STK32B: variants seen among roughly 807,000 people sequenced by gnomAD.
STK32B encodes serine/threonine-protein kinase 32B.
STK32B carries 43 observed loss-of-function variants against 52.6 expected under a neutral mutation model. The ratio of observed to expected loss-of-function variants is 0.82; its 90% CI spans 0.64 to 1.05. The LOEUF is 1.05. STK32B is among the 50% of genes least tolerant of loss of function. The probability of loss-of-function intolerance (pLI) is 0.00; values close to 1 mark genes in which losing one functional copy is unlikely to be tolerated. For synonymous variants in STK32B, 238 were observed against 204.3 expected, an observed-to-expected ratio of 1.17 and a Z score of -1.41; for missense variants, 621 against 534.6, an observed-to-expected ratio of 1.16 and a Z score of -1.59.
chr4:5,363,179 T>C (rs1270389358), intron 4 of STK32B, among the ~76,000 whole-genome samples: 2 of 152,230 alleles, frequency 1.3e-5, no homozygotes, highest in Non-Finnish European at 2.9e-5. Flanking sequence ...AGGGTGAGCA[T>C]AGAATGCAGT....
intron 1 of STK32B, among the ~76,000 whole-genome samples, chr4:5,105,016 A>G (rs556151194): frequency 1.3e-5 from 2 of 152,338 alleles, no homozygotes; most frequent in Admixed American, 1.3e-4. Context: ...CAATTATCTA[A>G]AGCAGTTGCA....
At chr4:5,393,020 A>G (rs891455649) in intron 4 of STK32B, among the ~76,000 whole-genome samples, 4 of 152,238 alleles carry the variant, frequency 2.6e-5, no homozygotes, top group South Asian at 2.1e-4. Flanking sequence ...ATTGTCACTC[A>G]GTTTCTAGGA....
intron 3 of STK32B, among the ~76,000 whole-genome samples, chr4:5,182,729 G>C (rs1360938911): frequency 6.6e-6 from 1 of 152,104 alleles, no homozygotes; most frequent in Non-Finnish European, 1.5e-5. Flanking sequence ...AAAGTGCTGG[G>C]ATTACAGATG....
At chr4:5,391,722 T>C (rs1228364988) in intron 4 of STK32B, among the ~76,000 whole-genome samples, 1 of 152,220 alleles carries the variant, frequency 6.6e-6, no homozygotes, top group Non-Finnish European at 1.5e-5. Flanking sequence ...GATCAGTGCT[T>C]TCTAAACACT....
intron 1 of STK32B, among the ~76,000 whole-genome samples, chr4:5,094,090 C>CT (rs1713250516): frequency 6.6e-6 from 1 of 152,136 alleles, no homozygotes; most frequent in African/African-American, 2.4e-5. Flanking sequence ...TGAAATACCT[C>CT]TTTATCTTAC....
intron 4 of STK32B, among the ~76,000 whole-genome samples, chr4:5,392,298 C>G (rs1350880242): frequency 6.6e-6 from 1 of 152,024 alleles, no homozygotes; most frequent in Middle Eastern, 3.2e-3. Context: ...TGGTGGTGCA[C>G]GCCTGTAATC....
intron 11 of STK32B, among the ~76,000 whole-genome samples, chr4:5,496,016 GGGGGCA>G (rs917049647): frequency 2.0e-5 from 3 of 152,184 alleles, no homozygotes; most frequent in Non-Finnish European, 4.4e-5. Flanking sequence ...TAGGCTGCTC[GGGGGCA>G]GGGGTCAGGG....
At chr4:5,232,344 G>C (rs993316228) in intron 3 of STK32B, among the ~76,000 whole-genome samples, 1 of 152,144 alleles carries the variant, frequency 6.6e-6, no homozygotes, top group East Asian at 1.9e-4. Flanking sequence ...GACATATTTA[G>C]AAATATGTGT....
rs1426152165 is a variant in STK32B, at chr4:5,316,300, TAA to T, written c.261-14919_261-14918del. Among the ~76,000 whole-genome samples the T allele has an allele frequency of 3.2e-4, 19 of 58,468 alleles. 1 individual carries two copies. Among genetic ancestry groups the T allele is most frequent in the Non-Finnish European group, 2.3e-4 (9 of 39,880 alleles). The allele number at this position is 58,468 out of a possible 152,430, so 38.4% of individuals were successfully genotyped here. A position where few individuals can be genotyped will look rare whatever the true frequency, so the allele number is the denominator to read the frequency against. On this transcript the variant is annotated intron_variant, in intron 3 of 11. Transcript: ENST00000282908. ...AATATATTATATACAATATTATATATAATATATATATTGTATATTATATATTA... is the reference window on the plus strand; with the variant it reads ...AATATATTATATACAATATTATATATTATATATATTGTATATTATATATTA...
At chr4:5,271,678 C>A (rs375480218) in intron 3 of STK32B, among the ~76,000 whole-genome samples, 8 of 146,858 alleles carry the variant, frequency 5.4e-5, no homozygotes, top group Admixed American at 2.0e-4. Flanking sequence ...CTTTTATTTC[C>A]TTGAGCAGTG....
intron 1 of STK32B, among the ~76,000 whole-genome samples, chr4:5,116,324 A>G (rs1714713757): frequency 6.6e-6 from 1 of 152,092 alleles, no homozygotes; most frequent in African/African-American, 2.4e-5. Flanking sequence ...CTCTGTCATC[A>G]CCATCTTACA....
chr4:5,160,243 A>G (rs1718332040), intron 2 of STK32B, among the ~76,000 whole-genome samples: 1 of 152,160 alleles, frequency 6.6e-6, no homozygotes, highest in African/African-American at 2.4e-5. Context: ...TGTGCCCTTC[A>G]GAAGAGAGAT....
intron 7 of STK32B, 54 bp downstream of exon 7, chr4:5,446,830 G>C (rs1023947063): frequency 2.5e-6 from 4 of 1,573,196 alleles, no homozygotes; most frequent in Non-Finnish European, 2.6e-6. Context: ...GGGGGCTCAC[G>C]TTGTACCTGG....
Position 5,317,241 on chromosome 4 carries a change from A to AT in STK32B, c.261-13978dup, listed in dbSNP as rs1560313421. 4.7e-4 allele frequency among the ~76,000 whole-genome samples: 19 copies of AT among 40,042 alleles called. 4 individuals carry two copies. Among genetic ancestry groups the AT allele is most frequent in the African/African-American group, 4.3e-3 (17 of 3,966 alleles). 26.3% of individuals were successfully genotyped at this position (40,042 alleles called of 152,430 possible). A position where few individuals can be genotyped will look rare whatever the true frequency, so the allele number is the denominator to read the frequency against. ...TATATATATTATATATAACATATAT[A>AT]TATTATATATAACATATAACATATA... is the stretch of plus-strand genomic sequence containing the variant. On this transcript the variant is annotated intron_variant, in intron 3 of 11. Coordinates refer to ENST00000282908, the MANE Select transcript of STK32B (RefSeq NM_018401.3).
chr4:5,246,842 A>G (rs1725489454), intron 3 of STK32B, among the ~76,000 whole-genome samples: 1 of 152,226 alleles, frequency 6.6e-6, no homozygotes, highest in African/African-American at 2.4e-5. Flanking sequence ...GGTCCACTTC[A>G]GACCCCGTTT....
intron 3 of STK32B, among the ~76,000 whole-genome samples, chr4:5,246,586 C>T (rs1365715985): frequency 2.0e-5 from 3 of 152,196 alleles, no homozygotes; most frequent in Non-Finnish European, 4.4e-5. Context: ...CATAGTCATT[C>T]TCTGTCCAGC....
chr4:5,113,843 A>T (rs1026556801), intron 1 of STK32B, among the ~76,000 whole-genome samples: 1 of 152,164 alleles, frequency 6.6e-6, no homozygotes, highest in Non-Finnish European at 1.5e-5. Flanking sequence ...CCTCACAATC[A>T]TGGTGGAAGG....
At chr4:5,195,499 C>A (rs1241306184) in intron 3 of STK32B, among the ~76,000 whole-genome samples, 1 of 152,076 alleles carries the variant, frequency 6.6e-6, no homozygotes, top group Non-Finnish European at 1.5e-5. Context: ...ATGAGACCAG[C>A]CTGGCTAACA....
Position 5,467,856 on chromosome 4 carries a change from G to A in STK32B, c.1042-150G>A. ...TTGGACACAGCCACCCATGCAGTCAGGGTCAGCCCCAGACACTTAGCTTGG... is the reference window on the plus strand; with the variant it reads ...TTGGACACAGCCACCCATGCAGTCAAGGTCAGCCCCAGACACTTAGCTTGG... On this transcript the variant is annotated intron_variant, in intron 10 of 11. Transcript: ENST00000282908. This position sits in a 1 kb window ranked among gnomAD's most constrained non-coding sequence, Gnocchi z 5.8. 1.3e-6 allele frequency: 1 copy of A among 799,566 alleles called. No homozygotes were observed. The highest frequency in any genetic ancestry group is 2.1e-6 in the Non-Finnish European group (1 of 481,202). The allele number at this position is 799,566 out of a possible 1,614,324, so 49.5% of individuals were successfully genotyped here.
Sources: gnomAD v4.1 joint callset for allele counts (sites outside exome capture counted in the v4.1 genomes callset) on GRCh38, gnomAD v4.1.1 for gene constraint, Gnocchi (gnomAD v3.1) non-coding constraint, MANE v1.5 for transcripts, NCBI Gene and HGNC (gene_info 2026-07-23, HGNC 2026-07-21) for gene names.